MTMR8: variants seen among roughly 807,000 people sequenced by gnomAD.
MTMR8 encodes the protein phosphatidylinositol-3,5-bisphosphate 3-phosphatase MTMR8.
A neutral mutation model predicts 39.3 loss-of-function variants in MTMR8; 65 were observed. The ratio of observed to expected loss-of-function variants is 1.65; its 90% CI spans 1.35 to 2.03. MTMR8 has a LOEUF of 2.03. Ranked by LOEUF, MTMR8 falls within the 30% of genes most tolerant of loss-of-function variation. The pLI, the probability that MTMR8 is intolerant of heterozygous loss-of-function variation, is 0.00. For synonymous variants in MTMR8, 245 were observed against 185.2 expected (o/e 1.32, Z -2.62); for missense variants, 777 against 538.9 (o/e 1.44, Z -4.37).
At chrX:64,351,813 G>A (rs752588123) in intron 4 of MTMR8, among the ~76,000 whole-genome samples, 26 of 111,206 alleles carry the variant, frequency 2.3e-4, no homozygotes, top group Admixed American at 7.6e-4. Context: ...GATTCAGCAA[G>A]TCTGCTCATT....
intron 1 of MTMR8, among the ~76,000 whole-genome samples, chrX:64,364,955 C>A (rs1923904893): frequency 9.0e-6 from 1 of 111,489 alleles, no homozygotes; most frequent in Non-Finnish European, 1.9e-5. Flanking sequence ...ACGAGAACTT[C>A]ATGATGCATG....
intron 8 of MTMR8, among the ~76,000 whole-genome samples, chrX:64,338,789 G>A (rs1327263433): frequency 1.8e-5 from 2 of 111,712 alleles, no homozygotes; most frequent in Non-Finnish European, 3.8e-5. Flanking sequence ...TAGTAGCAGT[G>A]GAGCTGAAAA....
intron 1 of MTMR8, among the ~76,000 whole-genome samples, chrX:64,377,705 T>G (rs1924306910): frequency 8.9e-6 from 1 of 112,189 alleles, no homozygotes; most frequent in Non-Finnish European, 1.9e-5. Flanking sequence ...TTTGAATTAA[T>G]GCTAGAATGA....
intron 8 of MTMR8, among the ~76,000 whole-genome samples, chrX:64,340,803 G>T (rs1433863070): frequency 9.0e-6 from 1 of 111,573 alleles, no homozygotes. Context: ...AATGATTAAA[G>T]AAATACAAAT....
chrX:64,304,863 TATATATATATATA>T (rs1922030059), intron 12 of MTMR8, among the ~76,000 whole-genome samples: 2 of 21,365 alleles, frequency 9.4e-5, no homozygotes, highest in African/African-American at 3.6e-3. Context: ...CAAACATTTA[TATATATATATATA>T]TATATATATA....
chrX:64,335,997 A>T lies in MTMR8; in HGVS notation c.1151+82T>A. On this transcript the variant is annotated intron_variant, in intron 10 of 13. Coordinates refer to ENST00000374852, the MANE Select transcript of MTMR8 (RefSeq NM_017677.4). ...TGTTCAACTTCCTCTTCCTTCCTTT[A>T]CATGTACATACTGAGGTTTTGATAT... 1.2e-5 allele frequency: 8 copies of T among 676,043 alleles called. No individual in the cohort carries two copies. In the South Asian group the frequency reaches 2.3e-4, roughly 19 times the overall value. 55.7% of individuals were successfully genotyped at this position (676,043 alleles called of 1,213,427 possible). A position where few individuals can be genotyped will look rare whatever the true frequency, so the allele number is the denominator to read the frequency against.
chrX:64,293,792 G>C (rs761266104), intron 12 of MTMR8, among the ~76,000 whole-genome samples: 139 of 112,082 alleles, frequency 1.2e-3, no homozygotes, highest in Non-Finnish European at 1.8e-3. Flanking sequence ...GGATGATTAT[G>C]TAAAGGAGCA....
At chrX:64,337,442 T>A in intron 8 of MTMR8, 49 bp from the exon 9 acceptor site, 1 of 1,181,568 alleles carries the variant, frequency 8.5e-7, no homozygotes. Flanking sequence ...TTTGCACAGC[T>A]TGTTGGATTA....
At chrX:64,288,482 T>C (rs6653193) in intron 12 of MTMR8, among the ~76,000 whole-genome samples, 9,171 of 111,122 alleles carry the variant, frequency 0.083, 994 homozygotes, top group African/African-American at 0.29. Flanking sequence ...GATCTAGAAC[T>C]AGAAATACCA....
chrX:64,344,869 A>G (rs1277441585), intron 7 of MTMR8, among the ~76,000 whole-genome samples, 176 bp downstream of exon 7: 4 of 111,661 alleles, frequency 3.6e-5, no homozygotes, highest in African/African-American at 1.3e-4. Context: ...CCAGATCAAC[A>G]CTGCTATAAT....
chrX:64,372,590 G>A (rs1463294812), intron 1 of MTMR8, among the ~76,000 whole-genome samples: 1 of 111,626 alleles, frequency 9.0e-6, no homozygotes, highest in Non-Finnish European at 1.9e-5. Context: ...GTAACCTTTT[G>A]AGATTGGCCT....
chrX:64,345,001 G>A (rs375417378), intron 7 of MTMR8, 44 bp downstream of exon 7: 15 of 1,185,962 alleles, frequency 1.3e-5, no homozygotes, highest in Middle Eastern at 4.8e-4. Context: ...ACATGATAAC[G>A]CAAAGCTATG....
At chrX:64,367,788 G>A (rs1318705114) in intron 1 of MTMR8, among the ~76,000 whole-genome samples, 2 of 111,321 alleles carry the variant, frequency 1.8e-5, no homozygotes, top group African/African-American at 6.5e-5. Context: ...AGAAATAAAG[G>A]GTATTCAATT....
At position 64,313,327 on chromosome X, in the gene MTMR8, C is replaced by A. The variant is rs774543048; in HGVS notation, c.1481+15445G>T. Reference sequence around the variant, plus strand: ...TTGCACTTTTGTGTTATGGAGATGACTCCTTTCCATAAAACTCATGAACCA... The same window carrying A: ...TTGCACTTTTGTGTTATGGAGATGAATCCTTTCCATAAAACTCATGAACCA... On this transcript the variant is annotated intron_variant, in intron 12 of 13. Coordinates refer to ENST00000374852, the MANE Select transcript of MTMR8 (RefSeq NM_017677.4). Among the ~76,000 whole-genome samples, 14 of 112,595 alleles carry A rather than the reference C, an allele frequency of 1.2e-4. No homozygotes were observed. The East Asian group carries it at 2.5e-3, about 20-fold the overall frequency.
chrX:64,369,796 C>A (rs754261746), intron 1 of MTMR8, among the ~76,000 whole-genome samples: 2 of 110,901 alleles, frequency 1.8e-5, no homozygotes, highest in African/African-American at 6.6e-5. Flanking sequence ...TCAGGTATTT[C>A]TTTATTGAAA....
At position 64,384,742 on chromosome X, in the gene MTMR8, C is replaced by T. The variant is rs553346670; in HGVS notation, c.24+10598G>A. Among the ~76,000 whole-genome samples, 21 of 112,580 alleles carry T rather than the reference C, an allele frequency of 1.9e-4. No homozygotes were observed. In the South Asian group the frequency reaches 6.9e-3, roughly 37 times the overall value. ...AGGATGCCCAGGGCTGCAGGGCCTT[C>T]GGCCTGACCCACAAAACTATTCTTC... On this transcript the variant is annotated intron_variant, in intron 1 of 13. Transcript: ENST00000374852.
At chrX:64,271,269 T>A (rs775901775) in intron 12 of MTMR8, among the ~76,000 whole-genome samples, 196 bp from the exon 13 acceptor site, 2 of 111,709 alleles carry the variant, frequency 1.8e-5, no homozygotes, top group Non-Finnish European at 3.8e-5. Context: ...AAATCTCAGC[T>A]GAAGGAGACA....
At chrX:64,320,514 T>C (rs988553778) in intron 12 of MTMR8, among the ~76,000 whole-genome samples, 5 of 110,829 alleles carry the variant, frequency 4.5e-5, no homozygotes, top group Non-Finnish European at 9.4e-5. Context: ...ACCTTGGAAC[T>C]TTCTCAGAGC....
At chrX:64,361,530 A>C (rs1334955804) in intron 1 of MTMR8, among the ~76,000 whole-genome samples, 1 of 111,578 alleles carries the variant, frequency 9.0e-6, no homozygotes, top group Non-Finnish European at 1.9e-5. Context: ...GGAGTTCAAC[A>C]TCAGAAAATG....
Sources: allele counts gnomAD v4.1 joint callset (sites outside exome capture counted in the v4.1 genomes callset), GRCh38; gene constraint gnomAD v4.1.1; transcripts MANE v1.5; gene names NCBI Gene and HGNC (gene_info 2026-07-23, HGNC 2026-07-21).